TRPM3: variants seen among roughly 807,000 people sequenced by gnomAD.
TRPM3 encodes long transient receptor potential channel 3.
In TRPM3, 77 loss-of-function variants were observed where a neutral mutation model predicts 181.2. That is an observed-to-expected ratio of 0.42 (90% CI 0.35 to 0.51). TRPM3 has a LOEUF of 0.51. Ranked by LOEUF, TRPM3 falls within the 20% of genes least tolerant of loss-of-function variation. The pLI is 0.01. For missense variants in TRPM3, 1,759 were observed against 2,196.7 expected (o/e 0.80, Z 3.98); for synonymous variants, 745 against 796.4 (o/e 0.94, Z 1.09).
chr9:71,323,919 T>C (rs2089456144), intron 1 of TRPM3, among the ~76,000 whole-genome samples: 1 of 152,154 alleles, frequency 6.6e-6, no homozygotes, highest in Admixed American at 6.6e-5. Flanking sequence ...ACTGAAGGCT[T>C]ACACTGAATC....
chr9:71,002,038 A>C (rs1711915787), intron 1 of TRPM3, among the ~76,000 whole-genome samples: 1 of 152,162 alleles, frequency 6.6e-6, no homozygotes, highest in East Asian at 1.9e-4. Flanking sequence ...GGTAAATGAA[A>C]GATTTGCTGC....
At position 70,644,914 on chromosome 9, in the gene TRPM3, A is replaced by G. The variant is rs1332745509; in HGVS notation, c.1346-4254T>C. Among the ~76,000 whole-genome samples, 4 of 152,210 alleles carry G rather than the reference A, an allele frequency of 2.6e-5. No individual in the cohort carries two copies. In the East Asian group the frequency reaches 7.7e-4, roughly 29 times the overall value. On this transcript the variant is annotated intron_variant, in intron 9 of 25. Transcript: ENST00000677713. Reference sequence around the variant, plus strand: ...CCACAAGTATTTCTATACCTCAATAATAGACAAACAGAAAGCCAAATCATG... The same window carrying G: ...CCACAAGTATTTCTATACCTCAATAGTAGACAAACAGAAAGCCAAATCATG...
At chr9:71,345,973 T>C (rs913417754) in intron 1 of TRPM3, among the ~76,000 whole-genome samples, 1 of 152,168 alleles carries the variant, frequency 6.6e-6, no homozygotes, top group Non-Finnish European at 1.5e-5. Flanking sequence ...CTATGGGAAA[T>C]TGTTTAGCAC....
chr9:71,019,432 C>T (rs2097822579), intron 1 of TRPM3, among the ~76,000 whole-genome samples: 1 of 152,046 alleles, frequency 6.6e-6, no homozygotes, highest in South Asian at 2.1e-4. Context: ...ATAAAAATCA[C>T]TTTATTTCTG....
At chr9:71,420,549 G>A (rs1054391939) in intron 1 of TRPM3, among the ~76,000 whole-genome samples, 1 of 131,006 alleles carries the variant, frequency 7.6e-6, no homozygotes, top group African/African-American at 2.8e-5. Flanking sequence ...AAGAAAAAGA[G>A]AAAGAAAGAG....
intron 22 of TRPM3, among the ~76,000 whole-genome samples, chr9:70,559,578 A>T (rs181537010): frequency 3.3e-5 from 5 of 152,200 alleles, no homozygotes; most frequent in Non-Finnish European, 7.3e-5. Flanking sequence ...TTGCCAATTA[A>T]TCTTGATGTT....
Position 70,689,529 on chromosome 9 carries a change from A to AC in TRPM3, c.1273-7952_1273-7951insG, listed in dbSNP as rs200810137. ...CCATCACTAAATTACTTTAAAAAAAAAACAACAAGAGAGATGAAGTGAAGT... is the reference window on the plus strand; with the variant it reads ...CCATCACTAAATTACTTTAAAAAAAACAACAACAAGAGAGATGAAGTGAAGT... On this transcript the variant is annotated intron_variant, in intron 8 of 25. Coordinates refer to ENST00000677713, the MANE Select transcript of TRPM3 (RefSeq NM_001366145.2). 3.7e-3 allele frequency among the ~76,000 whole-genome samples: 568 copies of AC among 151,798 alleles called. 3 individuals carry two copies. The highest frequency in any genetic ancestry group is 8.6e-3 in the South Asian group (41 of 4,792).
chr9:71,173,756 C>T (rs2134831090), intron 1 of TRPM3, among the ~76,000 whole-genome samples: 1 of 152,314 alleles, frequency 6.6e-6, no homozygotes, highest in Middle Eastern at 3.4e-3. Flanking sequence ...ATTGAAATGG[C>T]TGCAGGACAC....
At chr9:70,673,171 G>A (rs537553283) in intron 9 of TRPM3, among the ~76,000 whole-genome samples, 2 of 152,160 alleles carry the variant, frequency 1.3e-5, no homozygotes, top group Admixed American at 6.5e-5. Flanking sequence ...AGTAGCAAGG[G>A]GGAAAGTGGA....
chr9:70,964,202 T>G (rs1590127381), intron 1 of TRPM3, among the ~76,000 whole-genome samples: 2 of 152,138 alleles, frequency 1.3e-5, no homozygotes, highest in East Asian at 3.8e-4. Context: ...CTACTTATTG[T>G]CTGTCTTTCC....
At chr9:71,058,012 G>A (rs375139842) in intron 1 of TRPM3, among the ~76,000 whole-genome samples, 2 of 152,032 alleles carry the variant, frequency 1.3e-5, no homozygotes, top group African/African-American at 2.4e-5. Flanking sequence ...CATCCATGGA[G>A]TACCTAACAT....
chr9:70,922,563 A>G (rs2096668528), intron 1 of TRPM3, among the ~76,000 whole-genome samples: 1 of 152,226 alleles, frequency 6.6e-6, no homozygotes, highest in Non-Finnish European at 1.5e-5. Flanking sequence ...TCTTCTGCAG[A>G]TATCCTTTCT....
At chr9:71,295,027 G>A (rs1332552618) in intron 1 of TRPM3, among the ~76,000 whole-genome samples, 1 of 152,260 alleles carries the variant, frequency 6.6e-6, no homozygotes, top group Non-Finnish European at 1.5e-5. Flanking sequence ...CAAGGATACT[G>A]ATCATGTTCT....
chr9:70,874,547 A>T (rs2095842021), intron 1 of TRPM3, among the ~76,000 whole-genome samples: 1 of 151,892 alleles, frequency 6.6e-6, no homozygotes, highest in African/African-American at 2.4e-5. Flanking sequence ...CTGTCAAGTA[A>T]ATGCAGAGTT....
chr9:70,848,805 G>A (rs1589204326), intron 3 of TRPM3, among the ~76,000 whole-genome samples: 1 of 47,324 alleles, frequency 2.1e-5, no homozygotes, highest in Non-Finnish European at 4.7e-5. Context: ...GTGAAACCCC[G>A]TCTCTACTAA....
At chr9:70,673,480 C>G (rs2063368396) in intron 9 of TRPM3, among the ~76,000 whole-genome samples, 1 of 152,180 alleles carries the variant, frequency 6.6e-6, no homozygotes, top group East Asian at 1.9e-4. Flanking sequence ...TGTTTAGTCC[C>G]TAACTAAAAC....
intron 1 of TRPM3, among the ~76,000 whole-genome samples, chr9:70,996,458 A>G (rs952822907): frequency 3.2e-4 from 48 of 152,336 alleles, no homozygotes; most frequent in African/African-American, 1.1e-3. Flanking sequence ...AGTGAACAAG[A>G]CACTGAAGAA....
chr9:71,062,843 C>T (rs763128234), intron 1 of TRPM3, among the ~76,000 whole-genome samples: 52 of 152,174 alleles, frequency 3.4e-4, no homozygotes, highest in Non-Finnish European at 6.9e-4. Flanking sequence ...CCTTCTACCA[C>T]AGATAATACA....
chr9:71,390,146 T>C (rs115872642), intron 1 of TRPM3, among the ~76,000 whole-genome samples: 2,022 of 152,148 alleles, frequency 0.013, 36 homozygotes, highest in African/African-American at 0.041. Flanking sequence ...GATGGATAGG[T>C]ATCCATGGAC....
Sources: gnomAD v4.1 joint callset for allele counts (sites outside exome capture counted in the v4.1 genomes callset) on GRCh38, gnomAD v4.1.1 for gene constraint, MANE v1.5 for transcripts, NCBI Gene and HGNC (gene_info 2026-07-23, HGNC 2026-07-21) for gene names.